The following RAPGEF2 variants were observed in gnomAD, a reference collection of about 807,000 sequenced individuals.
RAPGEF2 encodes the protein PDZ domain containing guanine nucleotide exchange factor (GEF) 1.
Under a neutral mutation model 186.7 loss-of-function variants are expected in RAPGEF2, and 54 were observed. That is an observed-to-expected ratio of 0.29 (90% confidence interval 0.23 to 0.36). The LOEUF (loss-of-function observed/expected upper bound fraction) is 0.36. RAPGEF2 is among the 10% of genes least tolerant of loss of function. RAPGEF2 has a pLI of 1.00. For missense variants in RAPGEF2, 1,532 were observed against 2,045.0 expected (o/e 0.75, Z 4.84); for synonymous variants, 712 against 705.9 (o/e 1.01, Z -0.14).
chr4:159,227,226 A>G (rs888198486), intron 4 of RAPGEF2, among the ~76,000 whole-genome samples: 9 of 152,234 alleles, frequency 5.9e-5, no homozygotes, highest in African/African-American at 2.2e-4. Flanking sequence ...TTACTTGCTT[A>G]GGGCCAATCT....
chr4:159,113,138 T>C (rs1394638734), intron 1 of RAPGEF2, among the ~76,000 whole-genome samples: 1 of 152,136 alleles, frequency 6.6e-6, no homozygotes, highest in Non-Finnish European at 1.5e-5. Flanking sequence ...CTGCCACACA[T>C]TGGAAGAAAC....
chr4:159,142,414 C>CAGAT (rs1362042575), intron 1 of RAPGEF2, among the ~76,000 whole-genome samples: 1 of 151,794 alleles, frequency 6.6e-6, no homozygotes, highest in Non-Finnish European at 1.5e-5. Context: ...TGGATGGGAC[C>CAGAT]AGATGATCAA....
intron 1 of RAPGEF2, among the ~76,000 whole-genome samples, chr4:159,130,722 AT>A (rs1353449679): frequency 6.6e-6 from 1 of 152,046 alleles, no homozygotes; most frequent in African/African-American, 2.4e-5. Context: ...ATTTTATTTT[AT>A]TTTTTGGGAC....
chr4:159,192,728 T>G (rs1321084067), intron 2 of RAPGEF2, among the ~76,000 whole-genome samples: 1 of 152,230 alleles, frequency 6.6e-6, no homozygotes, highest in Non-Finnish European at 1.5e-5. Context: ...CATAAAAATA[T>G]CAAGTTAATT....
rs138280040 is a variant in RAPGEF2 at position 159,347,083 on chromosome 4, C to T, written c.3712+85C>T. On this transcript the variant is annotated intron_variant, in intron 25 of 29. Transcript: ENST00000691494. ...GGAAAAAAATATTTGTCTTGGATAA[C>T]TTTGTCTAATATATTTGAGTTTCTC... 734 of 1,263,736 alleles carry T rather than the reference C, an allele frequency of 5.8e-4. 1 individual carries two copies. In the African/African-American group the frequency reaches 9.9e-3, roughly 17 times the overall value. 78.3% of individuals were successfully genotyped at this position (1,263,736 alleles called of 1,614,324 possible). A position where few individuals can be genotyped will look rare whatever the true frequency, so the allele number is the denominator to read the frequency against.
intron 1 of RAPGEF2, among the ~76,000 whole-genome samples, chr4:159,160,806 A>G (rs895396112): frequency 6.6e-6 from 1 of 152,178 alleles, no homozygotes; most frequent in Non-Finnish European, 1.5e-5. Context: ...CTCTTCCACA[A>G]TGAAATTTTT....
chr4:159,151,449 A>T (rs1369101698), intron 1 of RAPGEF2, among the ~76,000 whole-genome samples: 1 of 152,196 alleles, frequency 6.6e-6, no homozygotes, highest in African/African-American at 2.4e-5. Flanking sequence ...GAGATTGTCA[A>T]GTTGATTTTA....
chr4:159,187,385 C>T (rs968674443), intron 2 of RAPGEF2, among the ~76,000 whole-genome samples: 1 of 151,908 alleles, frequency 6.6e-6, no homozygotes, highest in African/African-American at 2.4e-5. Context: ...TAGTAAATGC[C>T]ACTTGGTGAA....
At chr4:159,318,271 T>TA (rs1324979738) in intron 9 of RAPGEF2, among the ~76,000 whole-genome samples, 4 of 152,178 alleles carry the variant, frequency 2.6e-5, no homozygotes, top group African/African-American at 4.8e-5. Flanking sequence ...TCCCTGAAAA[T>TA]AAAATATGTG....
At chr4:159,196,438 G>C (rs1479431864) in intron 3 of RAPGEF2, among the ~76,000 whole-genome samples, 1 of 152,182 alleles carries the variant, frequency 6.6e-6, no homozygotes, top group Admixed American at 6.5e-5. Context: ...TTGGTTTTAT[G>C]ACCAAGAAAT....
chr4:159,319,789 C>T (rs542685233), intron 9 of RAPGEF2, among the ~76,000 whole-genome samples: 4 of 151,386 alleles, frequency 2.6e-5, no homozygotes, highest in South Asian at 4.2e-4. Context: ...TAATGCTAGC[C>T]GCTACTTATA....
At chr4:159,311,371 T>G (rs975300756) in intron 8 of RAPGEF2, among the ~76,000 whole-genome samples, 51 of 152,114 alleles carry the variant, frequency 3.4e-4, no homozygotes, top group African/African-American at 1.2e-3. Context: ...TTTTGTGGGG[T>G]TTTTTGGTCA....
chr4:159,350,068 T>C, intron 25 of RAPGEF2, 69 bp from the exon 26 acceptor site: 1 of 1,152,072 alleles, frequency 8.7e-7, no homozygotes, highest in South Asian at 2.0e-5. Context: ...AAAAAGTTTT[T>C]TATTCATAAA....
chr4:159,143,467 T>C (rs940542540), intron 1 of RAPGEF2, among the ~76,000 whole-genome samples: 3 of 152,202 alleles, frequency 2.0e-5, no homozygotes, highest in African/African-American at 7.2e-5. Flanking sequence ...ATCAATCTTA[T>C]GATATATTCA....
intron 26 of RAPGEF2, among the ~76,000 whole-genome samples, chr4:159,350,833 C>T (rs534436913): frequency 1.3e-5 from 2 of 152,314 alleles, no homozygotes; most frequent in African/African-American, 4.8e-5. Flanking sequence ...ACTTCCTCCT[C>T]CTACCCTTTT....
At chr4:159,129,652 C>T (rs191134446) in intron 1 of RAPGEF2, among the ~76,000 whole-genome samples, 32 of 152,284 alleles carry the variant, frequency 2.1e-4, no homozygotes, top group African/African-American at 7.0e-4. Flanking sequence ...ACTCTACTCC[C>T]CCTATAATAA....
At chr4:159,332,290 C>T (rs983961072) in intron 16 of RAPGEF2, among the ~76,000 whole-genome samples, 161 bp from the exon 17 acceptor site, 16 of 151,866 alleles carry the variant, frequency 1.1e-4, no homozygotes, top group Non-Finnish European at 2.1e-4. Context: ...GCAGATTTGG[C>T]GTGATTCGTT....
chr4:159,357,372 G>A lies in RAPGEF2; in HGVS notation c.4958-742G>A, dbSNP rs116541016. Among the ~76,000 whole-genome samples, 908 of 152,276 alleles carry A rather than the reference G, an allele frequency of 6.0e-3. 11 individuals are homozygous for A. Among genetic ancestry groups the A allele is most frequent in the African/African-American group, 0.021 (854 of 41,542 alleles). ...CAAGACCCGGTCTCTAAAAGAAAGA[G>A]AGAGAGAAGGGGAGGGAGAAAGGGA... On this transcript the variant is annotated intron_variant, in intron 29 of 29. Transcript: ENST00000691494.
At chr4:159,122,424 A>C (rs1361109091) in intron 1 of RAPGEF2, among the ~76,000 whole-genome samples, 2 of 152,006 alleles carry the variant, frequency 1.3e-5, no homozygotes, top group East Asian at 3.9e-4. Flanking sequence ...GATTGCAGTG[A>C]GCCGAGACTG....
Sources: allele counts gnomAD v4.1 joint callset (sites outside exome capture counted in the v4.1 genomes callset), GRCh38; gene constraint gnomAD v4.1.1; transcripts MANE v1.5; gene names NCBI Gene and HGNC (gene_info 2026-07-23, HGNC 2026-07-21).